The following PSORS1C2 variants were observed in gnomAD, a reference collection of about 807,000 sequenced individuals.
PSORS1C2 encodes the protein psoriasis susceptibility 1 candidate 2.
A neutral mutation model predicts 12.2 loss-of-function variants in PSORS1C2; 13 were observed. That is an observed-to-expected ratio of 1.07 (90% CI 0.70 to 1.70). The LOEUF (loss-of-function observed/expected upper bound fraction) is 1.70, where lower values mean the gene tolerates loss of function less well. Ranked by LOEUF, PSORS1C2 falls within the 40% of genes most tolerant of loss-of-function variation. The pLI, the probability that PSORS1C2 is intolerant of heterozygous loss-of-function variation, is 0.00. For missense variants in PSORS1C2, 186 were observed against 173.4 expected, an observed-to-expected ratio of 1.07 and a Z score of -0.41; for synonymous variants, 76 against 69.2, an observed-to-expected ratio of 1.10 and a Z score of -0.49.
chr6:31,138,005 G>A lies in PSORS1C2; in HGVS notation c.357C>T (p.Asp119=). The A allele has an allele frequency of 6.6e-7, 1 of 1,519,384 alleles. No homozygotes were observed. Among genetic ancestry groups the A allele is most frequent in the East Asian group, 2.3e-5 (1 of 43,792 alleles). 94.1% of individuals were successfully genotyped at this position (1,519,384 alleles called of 1,614,324 possible). A position where few individuals can be genotyped will look rare whatever the true frequency, so the allele number is the denominator to read the frequency against. ...GGTCTGGCTCCTCCTGAGGTCGGTT[G>A]TCCACCTCAGGGGCAGGAGGCCAGG... is the stretch of plus-strand genomic sequence containing the variant. ...ENPWPPAPEV[D]NRPQEEPDLD... Residue 119 remains aspartate (D), a synonymous_variant, in exon 2 of 2, where the codon GAC becomes GAT. Coordinates refer to ENST00000259845, the MANE Select transcript of PSORS1C2 (RefSeq NM_014069.3).
chr6:31,138,630 A>C lies in PSORS1C2; in HGVS notation c.56-324T>G, dbSNP rs774612947. 31 of 1,612,692 alleles carry C rather than the reference A, an allele frequency of 1.9e-5. No individual in the cohort carries two copies. In the Middle Eastern group the frequency reaches 4.9e-4, roughly 26 times the overall value. Reference sequence around the variant, plus strand: ...TTGTCCTCAGGCCAACCTGCAACCCAAAGTGGGTTACACCTTGGCCCCCAG... The same window carrying C: ...TTGTCCTCAGGCCAACCTGCAACCCCAAGTGGGTTACACCTTGGCCCCCAG... On this transcript the variant is annotated intron_variant, in intron 1 of 1. Coordinates refer to ENST00000259845, the MANE Select transcript of PSORS1C2 (RefSeq NM_014069.3).
intron 1 of PSORS1C2, chr6:31,138,527 T>C (rs1442001370): frequency 6.2e-7 from 1 of 1,606,076 alleles, no homozygotes; most frequent in Non-Finnish European, 8.5e-7. Flanking sequence ...ATCTGAACCG[T>C]TCACTTGACC....
chr6:31,138,205 G>C lies in PSORS1C2; in HGVS notation c.157C>G (p.Pro53Ala). The C allele has an allele frequency of 6.4e-7, 1 of 1,572,014 alleles. No homozygotes were observed. ...LPQGPPVPGD[P>A]WPGAPPLFED... The stretch of plus-strand genomic sequence containing the variant: ...AAGAGAGGGGGTGCCCCTGGCCAAG[G>C]GTCACCGGGGACTGGGGGGCCCTGA... Residue 53 changes from proline to alanine, a missense_variant, in exon 2 of 2, where the codon CCT (proline) becomes GCT (alanine). Pro to Ala is a conservative substitution (Grantham distance 27). Coordinates refer to ENST00000259845, the MANE Select transcript of PSORS1C2 (RefSeq NM_014069.3).
chr6:31,139,065 C>T lies in PSORS1C2; in HGVS notation c.-39G>A. The T allele has an allele frequency of 1.3e-6, 2 of 1,591,780 alleles. No individual in the cohort carries two copies. The highest frequency in any genetic ancestry group is 1.7e-6 in the Non-Finnish European group (2 of 1,160,214). ...CCCCCAAAGCTGGGGTGGGCTGAGT[C>T]TGGGTGCCTGGGAACCCCAAGAGGC... On this transcript the variant is annotated 5_prime_UTR_variant, in exon 1 of 2. Transcript: ENST00000259845. This position sits in a 1 kb window ranked among gnomAD's most constrained non-coding sequence, Gnocchi z 5.2.
At position 31,138,175 on chromosome 6, in the gene PSORS1C2, C is replaced by T; in HGVS notation, c.187G>A (p.Asp63Asn). The T allele has an allele frequency of 1.3e-6, 2 of 1,587,396 alleles. No homozygotes were observed. Among genetic ancestry groups the T allele is most frequent in the Non-Finnish European group, 1.7e-6 (2 of 1,169,582 alleles). ...PWPGAPPLFE[D>N]PPPTRPSRPW... ...CGACTGGGGCGGGTAGGCGGAGGAT[C>T]TTCAAAGAGAGGGGGTGCCCCTGGC... The change falls in exon 2 of 2, where the codon GAT (aspartate) becomes AAT (asparagine). Residue 63 changes from aspartate (D) to asparagine (N), a missense_variant. By Grantham distance (23) the Asp-to-Asn change is conservative (BLOSUM62 1). Transcript: ENST00000259845.
intron 1 of PSORS1C2, 78 bp downstream of exon 1, chr6:31,138,894 T>C: frequency 2.5e-6 from 4 of 1,599,664 alleles, no homozygotes; most frequent in Non-Finnish European, 3.4e-6. Flanking sequence ...CCCAACCCCA[T>C]GCGTCCAGTT....
rs2233952 is a variant in PSORS1C2, at chr6:31,138,114, A to G, written c.248T>C (p.Leu83Pro). 0.89 allele frequency: 1,425,824 copies of G among 1,603,552 alleles called. 635,038 individuals carry two copies. The highest frequency in any genetic ancestry group is 0.98 in the African/African-American group (72,984 of 74,548). Reference sequence around the variant, plus strand: ...AGGATCCGTTCTAGGCGGTTCAGGGAGCCAGACTCCAGTTTCAGGCAGGTC... The same window carrying G: ...AGGATCCGTTCTAGGCGGTTCAGGGGGCCAGACTCCAGTTTCAGGCAGGTC... Reference protein sequence around the residue: ...WRDLPETGVWLPEPPRTDPPQ... With the variant: ...WRDLPETGVWPPEPPRTDPPQ... Residue 83 changes from leucine (L) to proline (P), a missense_variant, in exon 2 of 2, where the codon CTC becomes CCC. By Grantham distance (98) the Leu-to-Pro change is moderately conservative (BLOSUM62 -3). Transcript: ENST00000259845.
chr6:31,137,973 G>T lies in PSORS1C2; in HGVS notation c.389C>A (p.Pro130Gln), dbSNP rs1405547167. Residue 130 changes from proline (P) to glutamine (Q), a missense_variant, in exon 2 of 2, where the codon CCA (proline) becomes CAA (glutamine). Pro to Gln is a moderately conservative substitution (Grantham distance 76). Coordinates refer to ENST00000259845, the MANE Select transcript of PSORS1C2 (RefSeq NM_014069.3). Reference sequence around the variant, plus strand: ...CCATTATCTGTACTCTTCCCGGGGTGGGTCTAGGTCTGGCTCCTCCTGAGG... The same window carrying T: ...CCATTATCTGTACTCTTCCCGGGGTTGGTCTAGGTCTGGCTCCTCCTGAGG... The part of the protein sequence containing the change: ...NRPQEEPDLD[P>Q]PREEYR 2 of 1,499,998 alleles carry T rather than the reference G, an allele frequency of 1.3e-6. No individual in the cohort carries two copies. 92.9% of individuals were successfully genotyped at this position (1,499,998 alleles called of 1,614,324 possible).
At chr6:31,138,665 C>G in intron 1 of PSORS1C2, 6 of 1,613,158 alleles carry the variant, frequency 3.7e-6, no homozygotes, top group Non-Finnish European at 5.1e-6. Flanking sequence ...GGCACACAGA[C>G]CCCAGCTTTA....
In PSORS1C2 at chr6:31,138,053, T is replaced by C; in HGVS notation, c.309A>G (p.Ala103=). ...AGGGGTTTTCTGGGGGCTGGGGTCC[T>C]GCCGGCCAAGGGTCGTCAGGCCGGG... ...QPPRPDDPWP[A]GPQPPENPWP... is the part of the protein sequence containing the mutation. Residue 103 remains alanine, a synonymous_variant, in exon 2 of 2, where the codon GCA becomes GCG. Coordinates refer to ENST00000259845, the MANE Select transcript of PSORS1C2 (RefSeq NM_014069.3). The C allele has an allele frequency of 1.3e-6, 2 of 1,537,040 alleles. No homozygotes were observed. The highest frequency in any genetic ancestry group is 8.7e-7 in the Non-Finnish European group (1 of 1,145,124).
chr6:31,137,920 G>A lies in PSORS1C2; in HGVS notation c.*31C>T, dbSNP rs1773226642. The stretch of plus-strand genomic sequence containing the variant: ...GGAGAGGGCGTGGGTGCCTGGAGAT[G>A]CCTGGGAACAGAACGGCTGAGGGGA... On this transcript the variant is annotated 3_prime_UTR_variant, in exon 2 of 2. Coordinates refer to ENST00000259845, the MANE Select transcript of PSORS1C2 (RefSeq NM_014069.3). 1 of 1,177,928 alleles carries A rather than the reference G, an allele frequency of 8.5e-7. No homozygotes were observed. Among genetic ancestry groups the A allele is most frequent in the Admixed American group, 3.0e-5 (1 of 32,870 alleles). 73.0% of individuals were successfully genotyped at this position (1,177,928 alleles called of 1,614,324 possible).
intron 1 of PSORS1C2, chr6:31,138,536 C>T (rs1425854983): frequency 4.4e-6 from 7 of 1,604,896 alleles, no homozygotes; most frequent in Non-Finnish European, 6.0e-6. Context: ...GTTCACTTGA[C>T]CCACTTTAAA....
chr6:31,137,668 A>C lies in PSORS1C2; in HGVS notation c.*283T>G. On this transcript the variant is annotated 3_prime_UTR_variant, in exon 2 of 2. Coordinates refer to ENST00000259845, the MANE Select transcript of PSORS1C2 (RefSeq NM_014069.3). ...TGCCCCAGCGATCGCGCGGGCAGGA[A>C]GACCGGGTGGGAGGTAGGTGCGGCC... 7 of 360,728 alleles carry C rather than the reference A, an allele frequency of 1.9e-5. No homozygotes were observed. The highest frequency in any genetic ancestry group is 2.0e-5 in the Non-Finnish European group (4 of 202,624). The allele number at this position is 360,728 out of a possible 1,614,324, so 22.3% of individuals were successfully genotyped here.
chr6:31,138,261 T>C lies in PSORS1C2; in HGVS notation c.101A>G (p.Asp34Gly). 6.3e-7 allele frequency: 1 copy of C among 1,574,868 alleles called. No homozygotes were observed. Among genetic ancestry groups the C allele is most frequent in the Non-Finnish European group, 8.6e-7 (1 of 1,160,988 alleles). ...TGTTGGGGAGCCTGCCTCCTCTCGG[T>C]CCTCTGCGGGTGGGTGAGAGGGGTG... ...EGHPSHPPAE[D>G]REEAGSPTLP... Residue 34 changes from aspartate (D) to glycine (G), a missense_variant, in exon 2 of 2, where the codon GAC (aspartate) becomes GGC (glycine). Asp to Gly is a moderately conservative substitution (Grantham distance 94). Coordinates refer to ENST00000259845, the MANE Select transcript of PSORS1C2 (RefSeq NM_014069.3).
chr6:31,138,362 C>T, intron 1 of PSORS1C2, 56 bp from the exon 2 acceptor site: 1 of 1,595,134 alleles, frequency 6.3e-7, no homozygotes, highest in Non-Finnish European at 8.6e-7. Context: ...TCCCCAGCCC[C>T]ACCCAGCCCC....
chr6:31,138,988 A>G lies in PSORS1C2; in HGVS notation c.39T>C (p.Leu13=). The change falls in exon 1 of 2, where the codon CTT becomes CTC. Residue 13 remains leucine, a synonymous_variant. Coordinates refer to ENST00000259845, the MANE Select transcript of PSORS1C2 (RefSeq NM_014069.3). ...LNWKLLGILV[L]CLHTRGISGS... Reference sequence around the variant, plus strand: ...CCACCTCACCTCTGGTGTGCAGGCAAAGGACCAGGATCCCCAGGAGCTTCC... The same window carrying G: ...CCACCTCACCTCTGGTGTGCAGGCAGAGGACCAGGATCCCCAGGAGCTTCC... 3 of 1,614,048 alleles carry G rather than the reference A, an allele frequency of 1.9e-6. No individual in the cohort carries two copies. The highest frequency in any genetic ancestry group is 2.5e-6 in the Non-Finnish European group (3 of 1,179,974).
In PSORS1C2 at chr6:31,138,056, C is replaced by A. The variant is rs768145430; in HGVS notation, c.306G>T (p.Pro102=). ...GGTTTTCTGGGGGCTGGGGTCCTGC[C>A]GGCCAAGGGTCGTCAGGCCGGGGAG... ...PQPPRPDDPW[P]AGPQPPENPW... is the part of the protein sequence containing the mutation. Residue 102 remains proline, a synonymous_variant, in exon 2 of 2, where the codon CCG becomes CCT. Transcript: ENST00000259845. 1.3e-6 allele frequency: 2 copies of A among 1,536,640 alleles called. No individual in the cohort carries two copies. The highest frequency in any genetic ancestry group is 2.1e-5 in the Admixed American group (1 of 46,748).
Position 31,138,040 on chromosome 6 carries a change from G to A in PSORS1C2, c.322C>T (p.Pro108Ser). 5.9e-6 allele frequency: 9 copies of A among 1,529,234 alleles called. No homozygotes were observed. Among genetic ancestry groups the A allele is most frequent in the Non-Finnish European group, 7.9e-6 (9 of 1,140,986 alleles). 94.7% of individuals were successfully genotyped at this position (1,529,234 alleles called of 1,614,324 possible). A position where few individuals can be genotyped will look rare whatever the true frequency, so the allele number is the denominator to read the frequency against. ...GGGGCAGGAGGCCAGGGGTTTTCTG[G>A]GGGCTGGGGTCCTGCCGGCCAAGGG... ...DDPWPAGPQP[P>S]ENPWPPAPEV... The change falls in exon 2 of 2, where the codon CCA becomes TCA. Residue 108 changes from proline to serine, a missense_variant. Transcript: ENST00000259845.
At position 31,137,918 on chromosome 6, in the gene PSORS1C2, A is replaced by G. The variant is rs572585997; in HGVS notation, c.*33T>C. The G allele has an allele frequency of 2.5e-4, 291 of 1,146,594 alleles. No homozygotes were observed. The highest frequency in any genetic ancestry group is 3.1e-4 in the Admixed American group (10 of 32,382). The allele number at this position is 1,146,594 out of a possible 1,614,324, so 71.0% of individuals were successfully genotyped here. A position where few individuals can be genotyped will look rare whatever the true frequency, so the allele number is the denominator to read the frequency against. Reference sequence around the variant, plus strand: ...GTGGAGAGGGCGTGGGTGCCTGGAGATGCCTGGGAACAGAACGGCTGAGGG... The same window carrying G: ...GTGGAGAGGGCGTGGGTGCCTGGAGGTGCCTGGGAACAGAACGGCTGAGGG... On this transcript the variant is annotated 3_prime_UTR_variant, in exon 2 of 2. Coordinates refer to ENST00000259845, the MANE Select transcript of PSORS1C2 (RefSeq NM_014069.3).
Sources: gnomAD v4.1 joint callset for allele counts on GRCh38, gnomAD v4.1.1 for gene constraint, Gnocchi (gnomAD v3.1) non-coding constraint, MANE v1.5 for transcripts, NCBI Gene and HGNC (gene_info 2026-07-23, HGNC 2026-07-21) for gene names.